Variants in NUP50 observed in about 807,000 individuals in gnomAD.
NUP50 encodes the protein nucleoporin 50, also known as nuclear pore complex protein Nup50.
Under a neutral mutation model 36.8 loss-of-function variants are expected in NUP50, and 14 were observed. That is an observed-to-expected ratio of 0.38 (90% CI 0.25 to 0.59). The LOEUF (loss-of-function observed/expected upper bound fraction) is 0.59. Among genes scored for constraint, NUP50 ranks in the 20% least tolerant of loss-of-function variants. The probability of loss-of-function intolerance (pLI) is 0.63; values close to 1 mark genes in which losing one functional copy is unlikely to be tolerated. For missense variants in NUP50, 455 were observed against 564.6 expected, an observed-to-expected ratio of 0.81 and a Z score of 1.97; for synonymous variants, 195 against 210.8, an observed-to-expected ratio of 0.93 and a Z score of 0.65.
At chr22:45,166,700 G>T (rs2074100130) in intron 1 of NUP50, among the ~76,000 whole-genome samples, 1 of 103,896 alleles carries the variant, frequency 9.6e-6, no homozygotes, top group Admixed American at 9.3e-5. Flanking sequence ...TCCGTACAGA[G>T]ACCTGGTTTC....
rs912254273 is a variant in NUP50 at position 45,181,456 on chromosome 22, G to T, written c.1085+89G>T. On this transcript the variant is annotated intron_variant, in intron 6 of 7. Transcript: ENST00000347635. ...GAGAATGTCCTCACGGCACTTGACT[G>T]AGCTTCCAGTCTCGGGGTCAAGCTT... The T allele has an allele frequency of 1.4e-5, 10 of 721,008 alleles. No homozygotes were observed. In the African/African-American group the frequency reaches 1.8e-4, roughly 13 times the overall value. The allele number at this position is 721,008 out of a possible 1,614,324, so 44.7% of individuals were successfully genotyped here.
intron 3 of NUP50, 117 bp from the exon 4 acceptor site, chr22:45,175,777 A>G: frequency 1.2e-6 from 1 of 849,680 alleles, no homozygotes; most frequent in African/African-American, 1.7e-5. Context: ...TTTGCCTTAT[A>G]ACGCTGACTG....
intron 5 of NUP50, among the ~76,000 whole-genome samples, chr22:45,180,026 A>C (rs1021211810): frequency 3.3e-5 from 5 of 152,234 alleles, no homozygotes; most frequent in Non-Finnish European, 5.9e-5. Context: ...CCTGCTTTCA[A>C]GTATATCCTC....
At chr22:45,165,309 C>G (rs1246178039) in intron 1 of NUP50, among the ~76,000 whole-genome samples, 9 of 152,230 alleles carry the variant, frequency 5.9e-5, no homozygotes, top group Admixed American at 5.9e-4. Context: ...TGGTAGCTCA[C>G]TGTGTAGCCT....
In NUP50 at chr22:45,187,915, T is replaced by G. The variant is rs2083467012; in HGVS notation, c.*3260T>G. 1 of 152,704 alleles carries G rather than the reference T, an allele frequency of 6.5e-6. No individual in the cohort carries two copies. Among genetic ancestry groups the G allele is most frequent in the Admixed American group, 6.5e-5 (1 of 15,292 alleles). The allele number at this position is 152,704 out of a possible 1,614,324, so 9.5% of individuals were successfully genotyped here. On this transcript the variant is annotated 3_prime_UTR_variant, in exon 8 of 8. Transcript: ENST00000347635. The stretch of plus-strand genomic sequence containing the variant: ...TTCTAAAACTAAAATACTTGAATTG[T>G]CAGACAATATAATCTCAGCTTGTAT...
chr22:45,168,343 CCTTT>C (rs1214602458), intron 2 of NUP50, 97 bp downstream of exon 2: 12 of 841,664 alleles, frequency 1.4e-5, no homozygotes, highest in Admixed American at 5.3e-5. Flanking sequence ...AACTAAAAGA[CCTTT>C]CTAAGAACAT....
At chr22:45,181,619 C>T (rs1436594073) in intron 6 of NUP50, among the ~76,000 whole-genome samples, 2 of 152,138 alleles carry the variant, frequency 1.3e-5, no homozygotes, top group Non-Finnish European at 2.9e-5. Context: ...ACAGGATCTT[C>T]CATGATCTTC....
At chr22:45,181,433 G>A in intron 6 of NUP50, 66 bp downstream of exon 6, 1 of 1,010,542 alleles carries the variant, frequency 9.9e-7, no homozygotes, top group Non-Finnish European at 1.4e-6. Context: ...TCAGGCTGGA[G>A]AATGTCCTCA....
chr22:45,178,799 G>A lies in NUP50; in HGVS notation c.902G>A (p.Ser301Asn). ...TGFSFSPGNS[S>N]LFGKDTTQSK... ...TTTTCTTTCTCCCCTGGAAACTCCA[G>A]TTTATTTGGCAAAGATACTACCCAG... Residue 301 changes from serine to asparagine, a missense_variant, in exon 5 of 8, where the codon AGT becomes AAT. Physicochemically the swap from Ser to Asn is conservative, Grantham distance 46. Coordinates refer to ENST00000347635, the MANE Select transcript of NUP50 (RefSeq NM_007172.4). 6.2e-7 allele frequency: 1 copy of A among 1,614,038 alleles called. No homozygotes were observed. Among genetic ancestry groups the A allele is most frequent in the Non-Finnish European group, 8.5e-7 (1 of 1,179,944 alleles).
chr22:45,173,404 G>A (rs184706892), intron 3 of NUP50, among the ~76,000 whole-genome samples: 67 of 150,070 alleles, frequency 4.5e-4, no homozygotes, highest in African/African-American at 1.6e-3. Context: ...GGTGGTAGAC[G>A]TAGGTGTTGA....
chr22:45,171,738 C>CTGTGCAACCCAG, intron 3 of NUP50, 55 bp downstream of exon 3: 4 of 1,377,486 alleles, frequency 2.9e-6, no homozygotes, highest in Non-Finnish European at 4.1e-6. Context: ...TTCTGGGTTG[C>CTGTGCAACCCAG]ACAGCAATCC....
chr22:45,169,496 G>A (rs1303355456), intron 2 of NUP50, among the ~76,000 whole-genome samples: 4 of 152,170 alleles, frequency 2.6e-5, no homozygotes, highest in African/African-American at 9.7e-5. Context: ...AATAAGAATA[G>A]TCATAATACA....
At chr22:45,182,901 G>A (rs1029800144) in intron 6 of NUP50, among the ~76,000 whole-genome samples, 1 of 151,916 alleles carries the variant, frequency 6.6e-6, no homozygotes, top group South Asian at 2.1e-4. Flanking sequence ...TGGGATACAG[G>A]CGTGAGCCAC....
intron 2 of NUP50, among the ~76,000 whole-genome samples, chr22:45,169,944 C>T (rs61412518): frequency 0.027 from 4,095 of 152,318 alleles, 163 homozygotes; most frequent in African/African-American, 0.092. Context: ...CACATTCATG[C>T]TCCTCCCGTA....
intron 6 of NUP50, among the ~76,000 whole-genome samples, chr22:45,182,309 C>T (rs763272534): frequency 2.8e-4 from 43 of 151,988 alleles, no homozygotes; most frequent in South Asian, 6.2e-4. Context: ...AATGTGGTGG[C>T]GCACGCCTGT....
At chr22:45,169,127 C>G (rs1255912668) in intron 2 of NUP50, among the ~76,000 whole-genome samples, 1 of 152,162 alleles carries the variant, frequency 6.6e-6, no homozygotes, top group African/African-American at 2.4e-5. Context: ...GTCTCAAACT[C>G]CTGACCTCAA....
rs1307960522 is a variant in NUP50, at chr22:45,181,296, A to G, written c.1014A>G (p.Glu338=). The change falls in exon 6 of 8, where the codon GAA becomes GAG. Residue 338 remains glutamate, a synonymous_variant. Transcript: ENST00000347635. ...GDSGECKGGD[E]EENDEPPKVV... is the part of the protein sequence containing the mutation. ...TCATTTTTATAAAAGGTGGAGATGA[A>G]GAAGAGAATGATGAGCCACCCAAAG... 3 of 1,592,078 alleles carry G rather than the reference A, an allele frequency of 1.9e-6. No homozygotes were observed. The highest frequency in any genetic ancestry group is 2.6e-6 in the Non-Finnish European group (3 of 1,172,648).
At chr22:45,169,412 C>T (rs6007483) in intron 2 of NUP50, among the ~76,000 whole-genome samples, 2 of 151,932 alleles carry the variant, frequency 1.3e-5, no homozygotes, top group Non-Finnish European at 2.9e-5. Flanking sequence ...AGGATGTGGG[C>T]GAAGGATTAC....
chr22:45,175,829 A>G, intron 3 of NUP50, 65 bp from the exon 4 acceptor site: 1 of 1,531,672 alleles, frequency 6.5e-7, no homozygotes, highest in Admixed American at 1.8e-5. Context: ...TGCTGTTGTC[A>G]CTCACTTGCT....
Sources: gnomAD v4.1 joint callset for allele counts (sites outside exome capture counted in the v4.1 genomes callset) on GRCh38, gnomAD v4.1.1 for gene constraint, MANE v1.5 for transcripts, NCBI Gene and HGNC (gene_info 2026-07-23, HGNC 2026-07-21) for gene names.